GNA12: variants seen among roughly 807,000 people sequenced by gnomAD.
GNA12 encodes the protein G protein subunit alpha 12, also known as guanine nucleotide-binding protein subunit alpha-12.
In GNA12, 9 loss-of-function variants were observed where a neutral mutation model predicts 26.0. The ratio of observed to expected loss-of-function variants is 0.35; its 90% CI spans 0.21 to 0.60. The LOEUF (loss-of-function observed/expected upper bound fraction) is 0.60. GNA12 is among the 20% of genes least tolerant of loss of function. The pLI is 0.78. For synonymous variants in GNA12, 264 were observed against 219.6 expected (o/e 1.20, Z -1.79); for missense variants, 405 against 525.8 (o/e 0.77, Z 2.25).
chr7:2,798,022 C>T (rs1792720572), intron 1 of GNA12, among the ~76,000 whole-genome samples: 1 of 152,112 alleles, frequency 6.6e-6, no homozygotes, highest in South Asian at 2.1e-4. Flanking sequence ...GACAAAAAAA[C>T]ATACAGCTAA....
intron 1 of GNA12, among the ~76,000 whole-genome samples, chr7:2,815,577 G>C (rs1312385507): frequency 6.6e-6 from 1 of 152,166 alleles, no homozygotes; most frequent in Non-Finnish European, 1.5e-5. Flanking sequence ...ACAGAGGCTG[G>C]GGAAATTACT....
chr7:2,784,611 C>T lies in GNA12; in HGVS notation c.525+10317G>A, dbSNP rs145380912. On this transcript the variant is annotated intron_variant, in intron 2 of 3. Coordinates refer to ENST00000275364, the MANE Select transcript of GNA12 (RefSeq NM_007353.3). ...CAAAGCATTATTCTTTAAAATCACT[C>T]CCAACCTAGCTGACAAAGCTATTTC... is the stretch of plus-strand genomic sequence containing the variant. Among the ~76,000 whole-genome samples, 11 of 152,280 alleles carry T rather than the reference C, an allele frequency of 7.2e-5. No individual in the cohort carries two copies. In the East Asian group the frequency reaches 2.1e-3, roughly 29 times the overall value.
chr7:2,838,905 T>A (rs1328668864), intron 1 of GNA12, among the ~76,000 whole-genome samples: 1 of 152,146 alleles, frequency 6.6e-6, no homozygotes. Flanking sequence ...CAAAAACTGA[T>A]AGAGCTAAAG....
chr7:2,823,222 T>C (rs191662427), intron 1 of GNA12, among the ~76,000 whole-genome samples: 166 of 152,338 alleles, frequency 1.1e-3, no homozygotes, highest in Non-Finnish European at 2.1e-4. Flanking sequence ...CCCTTCTGTC[T>C]GCTTCATCCA....
At chr7:2,791,875 T>C (rs1372385344) in intron 2 of GNA12, among the ~76,000 whole-genome samples, 1 of 152,074 alleles carries the variant, frequency 6.6e-6, no homozygotes, top group African/African-American at 2.4e-5. Flanking sequence ...TTTTGAAGAA[T>C]AAAAAGAAGG....
At chr7:2,835,125 C>A (rs760613848) in intron 1 of GNA12, among the ~76,000 whole-genome samples, 1 of 152,154 alleles carries the variant, frequency 6.6e-6, no homozygotes, top group African/African-American at 2.4e-5. Flanking sequence ...CCACTTCTAA[C>A]TGGATGTGAA....
chr7:2,779,604 T>G (rs371026009), intron 2 of GNA12, among the ~76,000 whole-genome samples: 1 of 152,080 alleles, frequency 6.6e-6, no homozygotes, highest in African/African-American at 2.4e-5. Flanking sequence ...TTTAAAAACT[T>G]TTTAACTTTT....
At chr7:2,734,027 G>A (rs147511646) in intron 2 of GNA12, among the ~76,000 whole-genome samples, 1 of 152,192 alleles carries the variant, frequency 6.6e-6, no homozygotes, top group African/African-American at 2.4e-5. Flanking sequence ...ACATTTTTAT[G>A]ACCTGATTTA....
rs188153219 is a variant in GNA12, at chr7:2,744,329, G to A, written c.526-10828C>T. ...ACTCCTCTGAGACAAAACTTCCAGA[G>A]GAACGATCAGGCAGCAGCATTTGTG... On this transcript the variant is annotated intron_variant, in intron 2 of 3. Coordinates refer to ENST00000275364, the MANE Select transcript of GNA12 (RefSeq NM_007353.3). Among the ~76,000 whole-genome samples the A allele has an allele frequency of 4.6e-3, 699 of 152,296 alleles. 8 individuals carry two copies. Among genetic ancestry groups the A allele is most frequent in the African/African-American group, 0.016 (659 of 41,558 alleles).
intron 1 of GNA12, among the ~76,000 whole-genome samples, chr7:2,833,047 C>G (rs1778723442): frequency 1.3e-5 from 2 of 152,232 alleles, no homozygotes; most frequent in South Asian, 4.1e-4. Context: ...GAAAGACTAA[C>G]CCATCACACG....
chr7:2,827,292 G>GTT (rs1793507908), intron 1 of GNA12, among the ~76,000 whole-genome samples: 1 of 152,158 alleles, frequency 6.6e-6, no homozygotes, highest in Admixed American at 6.5e-5. Flanking sequence ...TGATTGGAAC[G>GTT]TTTTGGAATT....
intron 1 of GNA12, among the ~76,000 whole-genome samples, chr7:2,813,372 C>T (rs1212864566): frequency 2.0e-5 from 3 of 152,212 alleles, no homozygotes; most frequent in Admixed American, 2.0e-4. Flanking sequence ...GTACCAATTT[C>T]ACTGGTTATT....
intron 2 of GNA12, among the ~76,000 whole-genome samples, chr7:2,737,058 G>A (rs192220748): frequency 2.4e-4 from 37 of 152,262 alleles, no homozygotes; most frequent in Non-Finnish European, 5.1e-4. Flanking sequence ...CTGACAGGGT[G>A]TGCATTAAAG....
At chr7:2,768,682 C>CAAA (rs199608558) in intron 2 of GNA12, among the ~76,000 whole-genome samples, 11 of 97,622 alleles carry the variant, frequency 1.1e-4, no homozygotes, top group Admixed American at 7.4e-4. Context: ...AAAAACAAAA[C>CAAA]AAAACAAAAA....
intron 1 of GNA12, chr7:2,814,818 C>T: frequency 3.9e-6 from 6 of 1,532,282 alleles, no homozygotes; most frequent in Non-Finnish European, 5.3e-6. Context: ...CCCAAGCACC[C>T]TTCCTGTGCT....
At chr7:2,785,907 T>A (rs1216549956) in intron 2 of GNA12, among the ~76,000 whole-genome samples, 1 of 151,896 alleles carries the variant, frequency 6.6e-6, no homozygotes, top group Admixed American at 6.6e-5. Context: ...AATAAAAAAA[T>A]AAATAAAAAA....
intron 1 of GNA12, among the ~76,000 whole-genome samples, chr7:2,831,754 GT>G (rs1778671460): frequency 6.6e-6 from 1 of 152,096 alleles, no homozygotes; most frequent in Admixed American, 6.5e-5. Context: ...AATATAAATA[GT>G]TATTAGTCAC....
At chr7:2,733,307 A>G in intron 3 of GNA12, 144 bp downstream of exon 3, 1 of 697,232 alleles carries the variant, frequency 1.4e-6, no homozygotes, top group East Asian at 2.7e-5. Context: ...AGAGCGTGCC[A>G]TTACAGTACT....
rs768279667 is a variant in GNA12 at position 2,843,982 on chromosome 7, G to C, written c.180C>G (p.Ile60Met). The C allele has an allele frequency of 6.3e-7, 1 of 1,583,960 alleles. No homozygotes were observed. Among genetic ancestry groups the C allele is most frequent in the Admixed American group, 1.7e-5 (1 of 57,476 alleles). ...ERRAVRRLVK[I>M]LLLGAGESGK... ...CGCTCTCGCCCGCGCCCAGCAGCAG[G>C]ATCTTCACCAGGCGCCGGACCGCGC... The change falls in exon 1 of 4, where the codon ATC (isoleucine) becomes ATG (methionine). Residue 60 changes from isoleucine to methionine, a missense_variant. Physicochemically the swap from Ile to Met is conservative, Grantham distance 10 (BLOSUM62 1). Transcript: ENST00000275364.
Sources: allele counts gnomAD v4.1 joint callset (sites outside exome capture counted in the v4.1 genomes callset), GRCh38; gene constraint gnomAD v4.1.1; transcripts MANE v1.5; gene names NCBI Gene and HGNC (gene_info 2026-07-23, HGNC 2026-07-21).